The following CASP10 variants were observed in gnomAD, a reference collection of about 807,000 sequenced individuals.
The protein encoded by CASP10 is caspase 10, also known as caspase-10.
Under a neutral mutation model 48.5 loss-of-function variants are expected in CASP10, and 41 were observed. The ratio of observed to expected loss-of-function variants is 0.85; its 90% CI spans 0.66 to 1.10. CASP10 has a LOEUF of 1.10. Ranked by LOEUF, CASP10 falls within the 50% of genes least tolerant of loss-of-function variation. CASP10 has a pLI of 0.00. For missense variants in CASP10, 614 were observed against 614.5 expected (o/e 1.00, Z 0.01); for synonymous variants, 232 against 238.4 (o/e 0.97, Z 0.25).
intron 4 of CASP10, among the ~76,000 whole-genome samples, chr2:201,195,128 G>A (rs1174372778): frequency 2.0e-5 from 3 of 152,076 alleles, no homozygotes; most frequent in African/African-American, 7.2e-5. Context: ...GTCTTGCTCT[G>A]TCGCCCAGGC....
In CASP10 at chr2:201,193,072, T is replaced by G. The variant is rs767659964; in HGVS notation, c.530T>G (p.Val177Gly). 3.1e-6 allele frequency: 5 copies of G among 1,613,952 alleles called. No individual in the cohort carries two copies. The South Asian group carries it at 5.5e-5, about 18-fold the overall frequency. ...LTCLEDLCKTVVPKLLRNIEK... is the reference protein window; with the variant it reads ...LTCLEDLCKTGVPKLLRNIEK... ...TGCCTGGAGGACCTCTGCAAAACAG[T>G]TGTACCTAAACTTTTGAGAAACATA... Residue 177 changes from valine to glycine, a missense_variant, in exon 4 of 10, where the codon GTT becomes GGT. Coordinates refer to ENST00000286186, the MANE Select transcript of CASP10 (RefSeq NM_032977.4).
At chr2:201,184,975 G>C (rs1302277893) in intron 1 of CASP10, among the ~76,000 whole-genome samples, 1 of 151,944 alleles carries the variant, frequency 6.6e-6, no homozygotes, top group Non-Finnish European at 1.5e-5. Context: ...TTCCTCCTGA[G>C]GTCTAGGATA....
At chr2:201,227,524 CCAAA>C (rs985268416) in intron 9 of CASP10, among the ~76,000 whole-genome samples, 9 of 151,978 alleles carry the variant, frequency 5.9e-5, no homozygotes, top group African/African-American at 9.7e-5. Context: ...TCTGAAGATC[CCAAA>C]CAGTTTCTTT....
Position 201,220,013 on chromosome 2 carries a change from G to T in CASP10, c.*2272G>T, listed in dbSNP as rs1471058072. 2.0e-6 allele frequency: 2 copies of T among 985,312 alleles called. No individual in the cohort carries two copies. The highest frequency in any genetic ancestry group is 3.5e-5 in the African/African-American group (2 of 57,248). The allele number at this position is 985,312 out of a possible 1,614,324, so 61.0% of individuals were successfully genotyped here. ...AAGGAATGAAGAACAACAACTCTCA[G>T]TGGTGCCTGCATTTATAATTATTTA... On this transcript the variant is annotated 3_prime_UTR_variant, in exon 10 of 10. Coordinates refer to ENST00000286186, the MANE Select transcript of CASP10 (RefSeq NM_032977.4).
chr2:201,212,512 G>A lies in CASP10; in HGVS notation c.1415+2950G>A, dbSNP rs578211712. On this transcript the variant is annotated intron_variant, in intron 9 of 9. Transcript: ENST00000286186. ...GTATTTGTTGAGGCTCTCATGTATTGGATGATGAGAGGAATCATGCTATAG... is the reference window on the plus strand; with the variant it reads ...GTATTTGTTGAGGCTCTCATGTATTAGATGATGAGAGGAATCATGCTATAG... 1.3e-4 allele frequency: 20 copies of A among 152,260 alleles called. 1 individual carries two copies. The highest frequency in any genetic ancestry group is 4.6e-4 in the Admixed American group (7 of 15,294). The allele number at this position is 152,260 out of a possible 1,614,324, so 9.4% of individuals were successfully genotyped here.
At chr2:201,185,649 C>A in intron 1 of CASP10, 122 bp from the exon 2 acceptor site, 1 of 720,206 alleles carries the variant, frequency 1.4e-6, no homozygotes, top group Non-Finnish European at 2.5e-6. Context: ...TATTTTTCAG[C>A]ACTTCTAGGA....
intron 9 of CASP10, among the ~76,000 whole-genome samples, chr2:201,227,894 AG>A (rs1161710250): frequency 6.6e-6 from 1 of 152,122 alleles, no homozygotes; most frequent in Non-Finnish European, 1.5e-5. Context: ...TGTTAAGTCA[AG>A]GGGTTCCTCT....
At chr2:201,215,433 T>C (rs1945541482) in intron 9 of CASP10, among the ~76,000 whole-genome samples, 1 of 152,152 alleles carries the variant, frequency 6.6e-6, no homozygotes, top group Non-Finnish European at 1.5e-5. Context: ...TTTTTGTTTA[T>C]GGTGAGAGGT....
rs749507462 is a variant in CASP10, at chr2:201,185,846, G to A, written c.69G>A (p.Lys23=). 1 of 1,614,152 alleles carries A rather than the reference G, an allele frequency of 6.2e-7. No homozygotes were observed. The highest frequency in any genetic ancestry group is 1.1e-5 in the South Asian group (1 of 91,090). ...ACTGTAAAGTGAGCTTTCGTGAGAA[G>A]CTTCTGATTATTGATTCAAACCTGG... ...DKNCKVSFRE[K]LLIIDSNLGV... The change falls in exon 2 of 10, where the codon AAG becomes AAA. Residue 23 remains lysine (K), a synonymous_variant. Transcript: ENST00000286186.
At chr2:201,208,469 T>C in intron 8 of CASP10, 1 of 564,502 alleles carries the variant, frequency 1.8e-6, no homozygotes, top group Non-Finnish European at 2.2e-6. Flanking sequence ...ACTAACTAGG[T>C]GTGTGATCAT....
chr2:201,217,665 AAC>A lies in CASP10; in HGVS notation c.1495_1496del (p.Gln499AspfsTer80), dbSNP rs1336256862. The A allele has an allele frequency of 5.0e-6, 8 of 1,614,194 alleles. No individual in the cohort carries two copies. The highest frequency in any genetic ancestry group is 6.8e-6 in the Non-Finnish European group (8 of 1,180,014). ...AGAGTGGACAAACAGGGAACAAAGA[AAC>A]AGATGCCCCAGCCTGCTTTCACACT... On this transcript the variant is annotated frameshift_variant, in exon 10 of 10. Coordinates refer to ENST00000286186, the MANE Select transcript of CASP10 (RefSeq NM_032977.4). LOFTEE classifies it low-confidence loss of function (END_TRUNC).
In CASP10 at chr2:201,221,339, C is replaced by A. The variant is rs766608918; in HGVS notation, c.*3598C>A. 19 of 936,032 alleles carry A rather than the reference C, an allele frequency of 2.0e-5. No individual in the cohort carries two copies. Among genetic ancestry groups the A allele is most frequent in the Non-Finnish European group, 2.3e-5 (18 of 784,814 alleles). 58.0% of individuals were successfully genotyped at this position (936,032 alleles called of 1,614,324 possible). ...CTGAGCCCAAGCTAAGCCATCATAT[C>A]CCTTGTGACCTGCACATATATATCC... On this transcript the variant is annotated 3_prime_UTR_variant, in exon 10 of 10. Transcript: ENST00000286186.
rs1576151712 is a variant in CASP10 at position 201,220,195 on chromosome 2, A to C, written c.*2454A>C. The C allele has an allele frequency of 1.6e-5, 15 of 960,874 alleles. No homozygotes were observed. Among genetic ancestry groups the C allele is most frequent in the Non-Finnish European group, 1.9e-5 (15 of 807,494 alleles). The allele number at this position is 960,874 out of a possible 1,614,324, so 59.5% of individuals were successfully genotyped here. ...GCAGGAACACCGTCATCTTAGACAA[A>C]CACCGCCACTTTAAGTTCCAGTTCC... On this transcript the variant is annotated 3_prime_UTR_variant, in exon 10 of 10. Transcript: ENST00000286186.
At chr2:201,212,778 T>C (rs1308050942) in intron 9 of CASP10, 1 of 152,222 alleles carries the variant, frequency 6.6e-6, no homozygotes, top group African/African-American at 2.4e-5. Flanking sequence ...ATATATCATA[T>C]TGAGAATTCT....
chr2:201,183,678 A>T (rs553038136), intron 1 of CASP10, among the ~76,000 whole-genome samples: 135 of 152,324 alleles, frequency 8.9e-4, no homozygotes, highest in African/African-American at 3.2e-3. Context: ...TTATCACATT[A>T]AAAATGACAT....
chr2:201,187,300 C>T (rs557753136), intron 2 of CASP10, among the ~76,000 whole-genome samples: 27 of 152,188 alleles, frequency 1.8e-4, no homozygotes, highest in African/African-American at 6.0e-4. Context: ...GTTTTCTTCC[C>T]TTTTCAATAT....
In CASP10 at chr2:201,209,195, T is replaced by A. The variant is rs749799366; in HGVS notation, c.1048T>A (p.Cys350Ser). ...KCNPAHADGD[C>S]FVFCILTHGR... The stretch of plus-strand genomic sequence containing the variant: ...CAATCCAGCCCATGCCGACGGGGAC[T>A]GCTTCGTGTTCTGTATTCTGACCCA... Residue 350 changes from cysteine to serine, a missense_variant, in exon 9 of 10, where the codon TGC becomes AGC. Cys to Ser is a moderately radical substitution (Grantham distance 112). Coordinates refer to ENST00000286186, the MANE Select transcript of CASP10 (RefSeq NM_032977.4). 2 of 1,613,200 alleles carry A rather than the reference T, an allele frequency of 1.2e-6. No homozygotes were observed. Among genetic ancestry groups the A allele is most frequent in the Non-Finnish European group, 1.7e-6 (2 of 1,179,212 alleles).
chr2:201,217,555 TA>T (rs760843802), intron 9 of CASP10, 32 bp from the exon 10 acceptor site: 88 of 1,481,568 alleles, frequency 5.9e-5, no homozygotes, highest in Non-Finnish European at 7.2e-5. Context: ...TGAGACTCCG[TA>T]AAAAAAAATT....
At chr2:201,213,749 G>A (rs1228804878) in intron 9 of CASP10, 1 of 152,178 alleles carries the variant, frequency 6.6e-6, no homozygotes, top group African/African-American at 2.4e-5. Flanking sequence ...AACTTCAGGG[G>A]GTTTGAATGA....
Sources: allele counts gnomAD v4.1 joint callset (sites outside exome capture counted in the v4.1 genomes callset), GRCh38; gene constraint gnomAD v4.1.1; transcripts MANE v1.5; gene names NCBI Gene and HGNC (gene_info 2026-07-23, HGNC 2026-07-21).